The following MACF1 variants were observed in gnomAD, a reference collection of about 807,000 sequenced individuals.
MACF1 encodes microtubule-actin cross-linking factor 1.
MACF1 carries 193 observed loss-of-function variants against 854.8 expected under a neutral mutation model. The ratio of observed to expected loss-of-function variants is 0.23; its 90% CI spans 0.20 to 0.25. The LOEUF is 0.25. Ranked by LOEUF, MACF1 falls within the 10% of genes least tolerant of loss-of-function variation. The pLI is 1.00. For missense variants in MACF1, 7,722 were observed against 8,929.1 expected, an observed-to-expected ratio of 0.86 and a Z score of 5.45; for synonymous variants, 3,185 against 3,226.7, an observed-to-expected ratio of 0.99 and a Z score of 0.44.
At chr1:39,241,677 A>AAG in intron 2 of MACF1, among the ~76,000 whole-genome samples, 1 of 151,420 alleles carries the variant, frequency 6.6e-6, no homozygotes, top group Non-Finnish European at 1.5e-5. Flanking sequence ...AAAAAAAAAA[A>AAG]AAAAAGAGTA....
intron 67 of MACF1, 47 bp from the exon 68 acceptor site, chr1:39,433,001 C>T (rs1168459735): frequency 2.5e-6 from 3 of 1,210,792 alleles, no homozygotes; most frequent in Non-Finnish European, 3.6e-6. Flanking sequence ...TTAGTAATAA[C>T]AGGAAAAGGG....
At position 39,419,431 on chromosome 1, in the gene MACF1, T is replaced by C. The variant is rs1035977540; in HGVS notation, c.15817-2943T>C. 3.9e-5 allele frequency among the ~76,000 whole-genome samples: 6 copies of C among 152,156 alleles called. No homozygotes were observed. The South Asian group carries it at 1.2e-3, about 32-fold the overall frequency. On this transcript the variant is annotated intron_variant, in intron 58 of 100. Transcript: ENST00000564288. ...AACTTTCTGAATGCTGGCATGATGC[T>C]CAAAAGAAATGCTCATTGGAGCATT...
Position 39,481,028 on chromosome 1 carries a change from G to A in MACF1, c.22279G>A (p.Glu7427Lys), listed in dbSNP as rs771104708. 1.7e-5 allele frequency: 27 copies of A among 1,546,386 alleles called. No individual in the cohort carries two copies. In the South Asian group the frequency reaches 2.1e-4, roughly 12 times the overall value. Residue 7427 changes from glutamate to lysine, a missense_variant and splice_region_variant, in exon 99 of 101, where the codon GAG becomes AAG. Physicochemically the swap from Glu to Lys is moderately conservative, Grantham distance 56. This residue lies in a region of MACF1 where 185 missense variants were observed against 225.7 expected (regional missense o/e 0.82). Coordinates refer to ENST00000564288, the MANE Select transcript of MACF1 (RefSeq NM_001394062.1). ...TCCTGACCTCCAGCTGCCCACCCCC[G>A]AGGTAGAGTATGGCTTTGCTGACTG... ...HSPDLQLPTP[E>K]VIPSSGSKLK...
intron 27 of MACF1, 41 bp from the exon 28 acceptor site, chr1:39,316,350 A>T: frequency 6.4e-7 from 1 of 1,554,054 alleles, no homozygotes; most frequent in Non-Finnish European, 8.7e-7. Flanking sequence ...TGGCTCCTAA[A>T]ATTCATGTGT....
chr1:39,437,245 C>CT lies in MACF1; in HGVS notation c.17989-519dup, dbSNP rs937004431. Among the ~76,000 whole-genome samples, 147 of 101,248 alleles carry CT rather than the reference C, an allele frequency of 1.5e-3. 1 individual carries two copies. The highest frequency in any genetic ancestry group is 2.1e-3 in the East Asian group (8 of 3,736). 66.4% of individuals were successfully genotyped at this position (101,248 alleles called of 152,430 possible). ...TTTAGATTCTTAAAATAAATATTGG[C>CT]TTTTTTTTTTTTTAATGGGCCAGCT... On this transcript the variant is annotated intron_variant, in intron 70 of 100. Transcript: ENST00000564288.
intron 58 of MACF1, among the ~76,000 whole-genome samples, chr1:39,415,764 C>T (rs2148624249): frequency 6.6e-6 from 1 of 152,282 alleles, no homozygotes; most frequent in Admixed American, 6.5e-5. Context: ...TTGAGATCAG[C>T]AGCTTTCCAC....
chr1:39,102,193 AAGAGAGAGAG>A (rs61576279), intron 2 of MACF1, among the ~76,000 whole-genome samples: 18 of 148,196 alleles, frequency 1.2e-4, no homozygotes, highest in South Asian at 4.2e-4. Context: ...AAGAAAAAGA[AAGAGAGAGAG>A]AGAGAGAGAA....
intron 1 of MACF1, among the ~76,000 whole-genome samples, chr1:39,208,871 C>A (rs1414489782): frequency 6.6e-6 from 1 of 151,994 alleles, no homozygotes; most frequent in East Asian, 1.9e-4. Flanking sequence ...AATCTGCCCA[C>A]TTCTACCTTC....
chr1:39,167,806 G>C (rs1322090021), intron 2 of MACF1, among the ~76,000 whole-genome samples: 1 of 151,532 alleles, frequency 6.6e-6, no homozygotes, highest in East Asian at 1.9e-4. Context: ...CCAAGGCTTT[G>C]GAGGTTGCAG....
intron 2 of MACF1, among the ~76,000 whole-genome samples, chr1:39,181,648 T>G (rs879575131): frequency 7.9e-5 from 12 of 152,174 alleles, no homozygotes; most frequent in African/African-American, 2.2e-4. Context: ...CTTCCAGATT[T>G]GAAAACTTAC....
intron 2 of MACF1, among the ~76,000 whole-genome samples, chr1:39,085,444 G>A (rs1391994477): frequency 6.6e-6 from 1 of 152,130 alleles, no homozygotes; most frequent in African/African-American, 2.4e-5. Flanking sequence ...ACCAAGGCCT[G>A]TACTGCTACC....
rs540274917 is a variant in MACF1, at chr1:39,298,952, G to A, written c.2481+1207G>A. Among the ~76,000 whole-genome samples the A allele has an allele frequency of 3.9e-4, 59 of 152,056 alleles. 1 individual carries two copies. The highest frequency in any genetic ancestry group is 2.8e-3 in the Admixed American group (42 of 15,266). Reference sequence around the variant, plus strand: ...TCCAGGTCAGGGTCATCGGGTTGGCGGCGTCATCGGGGCATGGAGTCACCT... The same window carrying A: ...TCCAGGTCAGGGTCATCGGGTTGGCAGCGTCATCGGGGCATGGAGTCACCT... On this transcript the variant is annotated intron_variant, in intron 21 of 100. Transcript: ENST00000564288.
At chr1:39,371,156 G>A (rs113753787) in intron 51 of MACF1, among the ~76,000 whole-genome samples, 1 of 151,548 alleles carries the variant, frequency 6.6e-6, no homozygotes, top group African/African-American at 2.4e-5. Context: ...CCATCTCTAC[G>A]AAAAATACAA....
intron 38 of MACF1, among the ~76,000 whole-genome samples, chr1:39,338,403 G>A (rs1049516365): frequency 1.3e-5 from 2 of 152,062 alleles, no homozygotes; most frequent in Admixed American, 6.6e-5. Context: ...TTAAAGTGGA[G>A]GAAGCTAAGG....
At chr1:39,386,090 G>T (rs573063488) in intron 57 of MACF1, among the ~76,000 whole-genome samples, 161 bp downstream of exon 57, 1 of 152,236 alleles carries the variant, frequency 6.6e-6, no homozygotes, top group Admixed American at 6.5e-5. Flanking sequence ...GAGAACTGTT[G>T]TAGTTGTTAC....
intron 1 of MACF1, among the ~76,000 whole-genome samples, chr1:39,218,316 A>T (rs1042069284): frequency 7.2e-5 from 11 of 152,170 alleles, no homozygotes; most frequent in African/African-American, 2.7e-4. Context: ...TTTTAAAAAT[A>T]ACAAAGGACA....
intron 100 of MACF1, 178 bp downstream of exon 100, chr1:39,484,908 T>A: frequency 1.5e-6 from 1 of 688,590 alleles, no homozygotes; most frequent in Non-Finnish European, 2.5e-6. Flanking sequence ...TACAGCTAGC[T>A]TTAAGCTTTC....
At chr1:39,245,443 A>T (rs542479153) in intron 2 of MACF1, among the ~76,000 whole-genome samples, 1 of 152,054 alleles carries the variant, frequency 6.6e-6, no homozygotes, top group African/African-American at 2.4e-5. Flanking sequence ...GCCATGCACA[A>T]CTTTTTTGTA....
At chr1:39,137,126 G>C (rs891053438) in intron 2 of MACF1, among the ~76,000 whole-genome samples, 2 of 152,156 alleles carry the variant, frequency 1.3e-5, no homozygotes, top group African/African-American at 4.8e-5. Flanking sequence ...TTGGAATGCA[G>C]TGGTGCGATC....
Sources: gnomAD v4.1 joint callset for allele counts (sites outside exome capture counted in the v4.1 genomes callset) on GRCh38, gnomAD v4.1.1 for gene constraint, gnomAD v4.1.1 regional missense constraint, MANE v1.5 for transcripts, NCBI Gene and HGNC (gene_info 2026-07-23, HGNC 2026-07-21) for gene names.